IRAG2: variants seen among roughly 807,000 people sequenced by gnomAD.
IRAG2 encodes the protein inositol 1,4,5-triphosphate receptor associated 2.
IRAG2 carries 45 observed loss-of-function variants against 69.9 expected under a neutral mutation model. That is an observed-to-expected ratio of 0.64 (90% CI 0.51 to 0.83). The LOEUF is 0.83. IRAG2 is among the 40% of genes least tolerant of loss of function. The pLI is 0.00. For missense variants in IRAG2, 520 were observed against 587.0 expected (o/e 0.89, Z 1.18); for synonymous variants, 193 against 202.4 (o/e 0.95, Z 0.40).
intron 6 of IRAG2, among the ~76,000 whole-genome samples, chr12:25,072,263 A>G (rs993239410): frequency 1.3e-5 from 2 of 152,186 alleles, no homozygotes; most frequent in African/African-American, 4.8e-5. Flanking sequence ...AGACATCACA[A>G]TCGAGCCTCC....
intron 1 of IRAG2, among the ~76,000 whole-genome samples, chr12:25,054,337 T>C (rs945563496): frequency 6.6e-6 from 1 of 152,216 alleles, no homozygotes; most frequent in Admixed American, 6.5e-5. Flanking sequence ...TTAAGGTGTG[T>C]CTGCTTTAGA....
chr12:25,097,852 T>C (rs1374256385), intron 15 of IRAG2, among the ~76,000 whole-genome samples: 1 of 152,260 alleles, frequency 6.6e-6, no homozygotes, highest in Non-Finnish European at 1.5e-5. Context: ...GAAACAACTT[T>C]CAACTTTTTG....
chr12:25,103,709 A>G (rs959558128), intron 17 of IRAG2, 128 bp from the exon 18 acceptor site: 3 of 653,368 alleles, frequency 4.6e-6, no homozygotes, highest in African/African-American at 3.6e-5. Flanking sequence ...GGATCCTTTA[A>G]GATATGTCTG....
chr12:25,029,118 A>G (rs1175562178), intron 9 of IRAG2, among the ~76,000 whole-genome samples: 1 of 152,208 alleles, frequency 6.6e-6, no homozygotes, highest in African/African-American at 2.4e-5. Flanking sequence ...TTTTTTGTAT[A>G]GATGAAGTCT....
At chr12:25,056,700 T>C (rs1414844852) in intron 1 of IRAG2, among the ~76,000 whole-genome samples, 1 of 152,204 alleles carries the variant, frequency 6.6e-6, no homozygotes, top group Non-Finnish European at 1.5e-5. Flanking sequence ...GGGGAAATGC[T>C]GTGGTTATAT....
chr12:25,044,581 A>C (rs369222022), intron 16 of IRAG2, among the ~76,000 whole-genome samples: 10 of 152,186 alleles, frequency 6.6e-5, no homozygotes, highest in African/African-American at 2.4e-4. Context: ...AGAGATGAAA[A>C]AAGATATTCC....
At chr12:25,025,490 CTCTG>C (rs974491909) in intron 8 of IRAG2, among the ~76,000 whole-genome samples, 3 of 152,168 alleles carry the variant, frequency 2.0e-5, no homozygotes, top group Admixed American at 1.3e-4. Flanking sequence ...ATCCTAAGGA[CTCTG>C]TCTTTTTTTA....
intron 21 of IRAG2, 63 bp downstream of exon 21, chr12:25,107,113 G>T: frequency 1.2e-6 from 1 of 862,224 alleles, no homozygotes; most frequent in South Asian, 1.7e-5. Context: ...AGGCAGGGCT[G>T]ACAGTATTAA....
intron 1 of IRAG2, among the ~76,000 whole-genome samples, chr12:25,058,935 A>T (rs967681331): frequency 2.6e-5 from 4 of 152,248 alleles, no homozygotes; most frequent in African/African-American, 9.6e-5. Flanking sequence ...TTGTTTTGCC[A>T]TGTGGAAAAT....
chr12:25,055,289 T>C (rs1334218596), intron 1 of IRAG2, among the ~76,000 whole-genome samples: 1 of 152,250 alleles, frequency 6.6e-6, no homozygotes, highest in African/African-American at 2.4e-5. Context: ...GGCTGATTTA[T>C]GAGGCAATTC....
At chr12:25,069,575 C>A in intron 6 of IRAG2, 144 bp downstream of exon 6, 2 of 687,924 alleles carry the variant, frequency 2.9e-6, no homozygotes, top group Non-Finnish European at 2.4e-6. Context: ...TATTCCAAAA[C>A]TCAGATGCAT....
chr12:25,016,969 A>C (rs907197549), intron 5 of IRAG2, among the ~76,000 whole-genome samples: 1 of 151,990 alleles, frequency 6.6e-6, no homozygotes, highest in South Asian at 2.1e-4. Flanking sequence ...CTGAATAGCT[A>C]TTTATTATAT....
chr12:25,052,117 T>G, upstream of IRAG2: 1 of 394,938 alleles, frequency 2.5e-6, no homozygotes, highest in Non-Finnish European at 4.5e-6. Flanking sequence ...TCCTCTGATC[T>G]CTAAGGAAGT....
At chr12:25,003,177 A>T (rs192796951), upstream of IRAG2, among the ~76,000 whole-genome samples, 5 of 151,982 alleles carry the variant, frequency 3.3e-5, no homozygotes, top group African/African-American at 9.7e-5. Flanking sequence ...TTTCTGTATT[A>T]TTGTTCATTC....
chr12:25,087,153 CTTTTTTTTTTTTTTT>C (rs780510333), intron 10 of IRAG2, among the ~76,000 whole-genome samples: 3 of 76,656 alleles, frequency 3.9e-5, no homozygotes, highest in Admixed American at 2.1e-4. Context: ...ACTCTCCTTC[CTTTTTTTTTTTTTTT>C]TTTTTTTTTT....
At chr12:25,007,378 A>G (rs1290438391) in intron 2 of IRAG2, among the ~76,000 whole-genome samples, 2 of 152,256 alleles carry the variant, frequency 1.3e-5, no homozygotes, top group East Asian at 3.8e-4. Flanking sequence ...TTTGTGTGAT[A>G]GATACATATC....
chr12:25,078,713 T>G (rs1290652149), intron 6 of IRAG2, among the ~76,000 whole-genome samples: 1 of 152,224 alleles, frequency 6.6e-6, no homozygotes, highest in Admixed American at 6.5e-5. Context: ...GGGACTATAA[T>G]TTTGTTAAGC....
At chr12:25,052,129 G>C, upstream of IRAG2, 1 of 394,410 alleles carries the variant, frequency 2.5e-6, no homozygotes, top group Non-Finnish European at 4.5e-6. Flanking sequence ...TAAGGAAGTG[G>C]TGTTAAGTTT....
intron 6 of IRAG2, among the ~76,000 whole-genome samples, chr12:25,077,885 G>A (rs1946935629): frequency 6.6e-6 from 1 of 152,184 alleles, no homozygotes; most frequent in Non-Finnish European, 1.5e-5. Flanking sequence ...CGCTTTGCAA[G>A]TTCGATTGTA....
Sources: gnomAD v4.1 joint callset for allele counts (sites outside exome capture counted in the v4.1 genomes callset) on GRCh38, gnomAD v4.1.1 for gene constraint, MANE v1.5 for transcripts, NCBI Gene and HGNC (gene_info 2026-07-23, HGNC 2026-07-21) for gene names.